The following KAT14 variants were observed in gnomAD, a reference collection of about 807,000 sequenced individuals.
The protein encoded by KAT14 is cysteine-rich protein 2-binding protein.
In KAT14, 66 loss-of-function variants were observed where a neutral mutation model predicts 78.4. The ratio of observed to expected loss-of-function variants is 0.84; its 90% CI spans 0.69 to 1.03. KAT14 has a LOEUF of 1.03. KAT14 is among the 50% of genes least tolerant of loss of function. KAT14 has a pLI of 0.00. For synonymous variants in KAT14, 344 were observed against 359.4 expected, an observed-to-expected ratio of 0.96 and a Z score of 0.48; for missense variants, 870 against 972.5, an observed-to-expected ratio of 0.89 and a Z score of 1.40.
At chr20:18,138,925 T>C (rs541864676) in intron 1 of KAT14, among the ~76,000 whole-genome samples, 156 of 152,328 alleles carry the variant, frequency 1.0e-3, no homozygotes, top group African/African-American at 3.6e-3. Flanking sequence ...AACAGGGTCA[T>C]TGGTGAATTT....
chr20:18,169,270 T>G (rs529664034), intron 7 of KAT14, among the ~76,000 whole-genome samples: 4 of 152,362 alleles, frequency 2.6e-5, no homozygotes, highest in East Asian at 3.9e-4. Flanking sequence ...TCTTGTTTTA[T>G]TCACATTGCT....
chr20:18,162,263 T>G, intron 6 of KAT14, 24 bp downstream of exon 6: 1 of 1,613,184 alleles, frequency 6.2e-7, no homozygotes, highest in South Asian at 1.1e-5. Context: ...TGCTTTGCTC[T>G]TTTATTTTGG....
At chr20:18,181,024 T>A (rs1024421553) in intron 7 of KAT14, among the ~76,000 whole-genome samples, 9 of 152,182 alleles carry the variant, frequency 5.9e-5, no homozygotes, top group African/African-American at 2.2e-4. Flanking sequence ...ATGTGTGTGT[T>A]ACCTACTTGA....
chr20:18,162,374 C>T lies in KAT14; in HGVS notation c.1100-3C>T, dbSNP rs1414219599. ...TGATGACACTGTTTTGTACTCTGCA[C>T]AGATGACGATGAGATGGAAGGCGAT... is the stretch of plus-strand genomic sequence containing the variant. On this transcript the variant is annotated splice_region_variant and splice_polypyrimidine_tract_variant and intron_variant, in intron 6 of 10. Transcript: ENST00000688188. The T allele has an allele frequency of 1.2e-6, 2 of 1,610,438 alleles. No individual in the cohort carries two copies. The highest frequency in any genetic ancestry group is 8.5e-7 in the Non-Finnish European group (1 of 1,178,368).
At position 18,162,078 on chromosome 20, in the gene KAT14, C is replaced by T. The variant is rs1251094478; in HGVS notation, c.938C>T (p.Ser313Phe). 3 of 1,614,224 alleles carry T rather than the reference C, an allele frequency of 1.9e-6. No homozygotes were observed. The highest frequency in any genetic ancestry group is 2.5e-6 in the Non-Finnish European group (3 of 1,180,032). The change falls in exon 6 of 11, where the codon TCC (serine) becomes TTC (phenylalanine). Residue 313 changes from serine (S) to phenylalanine (F), a missense_variant. By Grantham distance (155) the Ser-to-Phe change is radical. Transcript: ENST00000688188. ...LEKGEVIDFS[S>F]LSSSDRTPLT... is the part of the protein sequence containing the mutation. ...AAAGGCGAAGTGATTGACTTTTCCT[C>T]CTTGAGCTCCTCTGACCGCACCCCG...
rs2037637540 is a variant in KAT14 at position 18,142,798 on chromosome 20, A to G, written c.138A>G (p.Ala46=). 6.2e-7 allele frequency: 1 copy of G among 1,614,118 alleles called. No individual in the cohort carries two copies. The highest frequency in any genetic ancestry group is 8.5e-7 in the Non-Finnish European group (1 of 1,180,058). ...TGATCGTCGAATCCGAGGATCAGGC[A>G]TCAGTGGACTTATCGCACGACCAGA... ...TLLIVESEDQ[A]SVDLSHDQSG... The change falls in exon 2 of 11, where the codon GCA becomes GCG. Residue 46 remains alanine, a synonymous_variant. Transcript: ENST00000688188.
intron 3 of KAT14, among the ~76,000 whole-genome samples, chr20:18,150,004 A>C (rs2146371618): frequency 6.6e-6 from 1 of 152,344 alleles, no homozygotes; most frequent in Middle Eastern, 3.4e-3. Context: ...ATCTGAGTAT[A>C]GATGCAAAGA....
intron 2 of KAT14, 196 bp downstream of exon 2, chr20:18,143,115 C>T (rs1844054746): frequency 1.5e-6 from 2 of 1,337,034 alleles, no homozygotes; most frequent in Non-Finnish European, 1.9e-6. Context: ...ACCTCTATCA[C>T]ATTGTTAAAT....
intron 7 of KAT14, among the ~76,000 whole-genome samples, chr20:18,180,706 G>A (rs2039216550): frequency 6.6e-6 from 1 of 152,152 alleles, no homozygotes. Flanking sequence ...TTCTTAGTGG[G>A]CAGTGGCAAG....
chr20:18,175,653 T>C (rs1459100836), intron 7 of KAT14, among the ~76,000 whole-genome samples: 2 of 152,160 alleles, frequency 1.3e-5, no homozygotes, highest in Non-Finnish European at 2.9e-5. Flanking sequence ...TTAACATTTT[T>C]TCTCACTTAT....
At chr20:18,168,988 C>CT (rs987831693) in intron 7 of KAT14, among the ~76,000 whole-genome samples, 1 of 151,590 alleles carries the variant, frequency 6.6e-6, no homozygotes, top group African/African-American at 2.4e-5. Flanking sequence ...CTGTTTTGTT[C>CT]TTTTTTTTCA....
chr20:18,179,853 G>A (rs1027098237), intron 7 of KAT14, among the ~76,000 whole-genome samples: 4 of 152,026 alleles, frequency 2.6e-5, no homozygotes, highest in Non-Finnish European at 4.4e-5. Flanking sequence ...GCTTTTAATA[G>A]CACCCAAGTC....
At chr20:18,174,896 C>T (rs2038978402) in intron 7 of KAT14, among the ~76,000 whole-genome samples, 2 of 152,028 alleles carry the variant, frequency 1.3e-5, no homozygotes, top group Non-Finnish European at 1.5e-5. Flanking sequence ...AACTCCTGAC[C>T]TCAGGTGATC....
At chr20:18,184,300 G>A (rs1173495103) in intron 9 of KAT14, among the ~76,000 whole-genome samples, 1 of 152,136 alleles carries the variant, frequency 6.6e-6, no homozygotes, top group African/African-American at 2.4e-5. Context: ...AATGTGCCAA[G>A]CCACACATGG....
At chr20:18,137,162 G>A (rs1206121881), upstream of KAT14, among the ~76,000 whole-genome samples, 2 of 152,094 alleles carry the variant, frequency 1.3e-5, no homozygotes, top group Admixed American at 6.6e-5. Flanking sequence ...GGCCAGGCGC[G>A]GTGGCTCACG....
intron 3 of KAT14, among the ~76,000 whole-genome samples, chr20:18,149,931 C>T (rs1294556135): frequency 6.6e-6 from 1 of 152,128 alleles, no homozygotes; most frequent in Non-Finnish European, 1.5e-5. Flanking sequence ...GCTTGGGCAT[C>T]ACAGTGGGAC....
intron 8 of KAT14, 148 bp downstream of exon 8, chr20:18,181,994 T>G: frequency 1.6e-6 from 2 of 1,258,152 alleles, no homozygotes; most frequent in Non-Finnish European, 2.1e-6. Flanking sequence ...TCACCTCCAG[T>G]TTTGTCCTTT....
intron 3 of KAT14, among the ~76,000 whole-genome samples, chr20:18,148,403 T>C (rs183658022): frequency 3.9e-5 from 6 of 152,262 alleles, no homozygotes; most frequent in Non-Finnish European, 8.8e-5. Flanking sequence ...TTGCATTCTT[T>C]TCCTGGAGAC....
intron 7 of KAT14, among the ~76,000 whole-genome samples, chr20:18,171,726 C>T (rs1049204418): frequency 2.8e-4 from 43 of 152,238 alleles, no homozygotes; most frequent in Admixed American, 2.4e-3. Flanking sequence ...GCAGGAGAAT[C>T]GCTTGAACCT....
Sources: gnomAD v4.1 joint callset for allele counts (sites outside exome capture counted in the v4.1 genomes callset) on GRCh38, gnomAD v4.1.1 for gene constraint, MANE v1.5 for transcripts, NCBI Gene and HGNC (gene_info 2026-07-23, HGNC 2026-07-21) for gene names.